The following BBOF1 variants were observed in gnomAD, a reference collection of about 807,000 sequenced individuals.
BBOF1 encodes basal body-orientation factor 1.
A neutral mutation model predicts 68.0 loss-of-function variants in BBOF1; 62 were observed. That is an observed-to-expected ratio of 0.91 (90% CI 0.74 to 1.13). The LOEUF (loss-of-function observed/expected upper bound fraction) is 1.13, where lower values mean the gene tolerates loss of function less well. Ranked by LOEUF, BBOF1 falls within the 50% of genes most tolerant of loss-of-function variation. BBOF1 has a pLI of 0.00. For synonymous variants in BBOF1, 208 were observed against 198.8 expected, an observed-to-expected ratio of 1.05 and a Z score of -0.39; for missense variants, 534 against 600.1, an observed-to-expected ratio of 0.89 and a Z score of 1.15.
chr14:74,073,625 A>G (rs748829717), intron 9 of BBOF1, among the ~76,000 whole-genome samples: 23 of 152,150 alleles, frequency 1.5e-4, no homozygotes, highest in Non-Finnish European at 2.8e-4. Context: ...CTTTATGATC[A>G]AAAGATTTTT....
intron 5 of BBOF1, among the ~76,000 whole-genome samples, chr14:74,041,196 A>C (rs2059818986): frequency 1.3e-5 from 2 of 152,090 alleles, no homozygotes; most frequent in African/African-American, 4.8e-5. Flanking sequence ...CCAGCTACTC[A>C]GGAGGCTGAG....
chr14:74,044,594 C>G (rs1175775432), intron 5 of BBOF1, among the ~76,000 whole-genome samples: 1 of 151,702 alleles, frequency 6.6e-6, no homozygotes, highest in Non-Finnish European at 1.5e-5. Flanking sequence ...TTCTGAGTAG[C>G]TGGGACCACA....
intron 11 of BBOF1, chr14:74,060,759 GAAAA>G (rs775284024): frequency 6.4e-7 from 1 of 1,569,062 alleles, no homozygotes; most frequent in East Asian, 2.2e-5. Flanking sequence ...AAGGAAAACA[GAAAA>G]AAAGTTAGCA....
chr14:74,024,792 G>A (rs1283905575), intron 2 of BBOF1, among the ~76,000 whole-genome samples: 1 of 151,320 alleles, frequency 6.6e-6, no homozygotes, highest in African/African-American at 2.4e-5. Flanking sequence ...TTGTGGAGAT[G>A]GGATTTCGCC....
At chr14:74,054,678 CTT>C (rs551602396) in intron 8 of BBOF1, among the ~76,000 whole-genome samples, 6 of 119,182 alleles carry the variant, frequency 5.0e-5, no homozygotes, top group Admixed American at 9.2e-5. Context: ...CACCCAGGCT[CTT>C]TTTTTTTTTT....
rs1449478827 is a variant in BBOF1 at position 74,048,041 on chromosome 14, G to A, written c.759G>A (p.Leu253=). The A allele has an allele frequency of 1.9e-6, 3 of 1,613,054 alleles. No homozygotes were observed. Among genetic ancestry groups the A allele is most frequent in the African/African-American group, 1.3e-5 (1 of 74,882 alleles). The change falls in exon 7 of 12, where the codon TTG becomes TTA. Residue 253 remains leucine, a synonymous_variant. Coordinates refer to ENST00000394009, the MANE Select transcript of BBOF1 (RefSeq NM_025057.3). ...CTCTACAAAAAAACTCCCAGAAGTTGCAAGAGAGTCATACTTTACTTTTAC... is the reference window on the plus strand; with the variant it reads ...CTCTACAAAAAAACTCCCAGAAGTTACAAGAGAGTCATACTTTACTTTTAC... ...TDALQKNSQK[L]QESHTLLLHQ... is the part of the protein sequence containing the mutation.
At chr14:74,067,378 A>G (rs1341198788), downstream of BBOF1, 2 of 1,612,818 alleles carry the variant, frequency 1.2e-6, no homozygotes, top group Admixed American at 1.7e-5. Context: ...GTGATTGATT[A>G]CCTGCATTGA....
At chr14:74,060,794 ATTC>A in intron 11 of BBOF1, 1 of 1,359,304 alleles carries the variant, frequency 7.4e-7, no homozygotes, top group Non-Finnish European at 1.1e-6. Context: ...GGGTTTCATG[ATTC>A]TTCTTTTAAT....
Position 74,022,904 on chromosome 14 carries a change from CT to C in BBOF1, c.57-10del. On this transcript the variant is annotated splice_polypyrimidine_tract_variant and intron_variant, in intron 1 of 11. Coordinates refer to ENST00000394009, the MANE Select transcript of BBOF1 (RefSeq NM_025057.3). ...AATAGTCATATACTGTCAATATCCT[CT>C]TCCCATGCAGGAAGTTAATAAAAAC... 13 of 1,525,650 alleles carry C rather than the reference CT, an allele frequency of 8.5e-6. No individual in the cohort carries two copies. Among genetic ancestry groups the C allele is most frequent in the Non-Finnish European group, 1.2e-5 (13 of 1,105,832 alleles). The allele number at this position is 1,525,650 out of a possible 1,614,324, so 94.5% of individuals were successfully genotyped here.
intron 6 of BBOF1, 45 bp from the exon 7 acceptor site, chr14:74,047,885 A>T: frequency 6.5e-7 from 1 of 1,530,056 alleles, no homozygotes; most frequent in Non-Finnish European, 8.8e-7. Context: ...TTTTGGCGAT[A>T]TCTAAAAGTT....
intron 11 of BBOF1, among the ~76,000 whole-genome samples, chr14:74,062,259 G>A (rs2060363169): frequency 6.6e-6 from 1 of 151,858 alleles, no homozygotes. Context: ...GTTGTACTCT[G>A]TTTTGCTTAA....
chr14:74,020,082 A>T (rs2059229869), intron 1 of BBOF1, among the ~76,000 whole-genome samples: 1 of 152,236 alleles, frequency 6.6e-6, no homozygotes, highest in Non-Finnish European at 1.5e-5. Flanking sequence ...AAACATGGGA[A>T]GTACCAAAAG....
At chr14:74,039,917 G>A (rs556330872) in intron 4 of BBOF1, among the ~76,000 whole-genome samples, 1 of 152,074 alleles carries the variant, frequency 6.6e-6, no homozygotes, top group African/African-American at 2.4e-5. Context: ...GGGATAGTAG[G>A]ATAGTACATA....
At chr14:74,033,606 G>A (rs2059627136) in intron 3 of BBOF1, among the ~76,000 whole-genome samples, 1 of 151,676 alleles carries the variant, frequency 6.6e-6, no homozygotes, top group Admixed American at 6.6e-5. Context: ...GCCAGGTGCG[G>A]TGGCTTATGC....
chr14:74,040,538 T>C (rs199675266), intron 4 of BBOF1, 27 bp from the exon 5 acceptor site: 1 of 1,433,786 alleles, frequency 7.0e-7, no homozygotes, highest in East Asian at 2.4e-5. Context: ...ATTGATCATT[T>C]TTGTTTGTTT....
At chr14:74,037,093 C>T (rs1440434324) in intron 4 of BBOF1, among the ~76,000 whole-genome samples, 1 of 148,414 alleles carries the variant, frequency 6.7e-6, no homozygotes, top group Non-Finnish European at 1.5e-5. Context: ...CTGCTTCAGC[C>T]TCCTGAGTAG....
At chr14:74,028,512 A>ACACAC (rs1491423768) in intron 2 of BBOF1, among the ~76,000 whole-genome samples, 1 of 122,870 alleles carries the variant, frequency 8.1e-6, no homozygotes, top group African/African-American at 3.0e-5. Context: ...ACACACACAC[A>ACACAC]AATAGAGGGA....
downstream of BBOF1, among the ~76,000 whole-genome samples, chr14:74,070,309 A>G (rs887838130): frequency 2.0e-5 from 3 of 152,018 alleles, no homozygotes; most frequent in African/African-American, 7.2e-5. Flanking sequence ...ACCTGAGGTC[A>G]GGAGTTTGAG....
chr14:74,042,485 G>A (rs2059844315), intron 5 of BBOF1, among the ~76,000 whole-genome samples: 1 of 152,190 alleles, frequency 6.6e-6, no homozygotes, highest in African/African-American at 2.4e-5. Context: ...AGAGCAGATG[G>A]CTGCTGGCCT....
Sources: allele counts gnomAD v4.1 joint callset (sites outside exome capture counted in the v4.1 genomes callset), GRCh38; gene constraint gnomAD v4.1.1; transcripts MANE v1.5; gene names NCBI Gene and HGNC (gene_info 2026-07-23, HGNC 2026-07-21).